The following STRBP variants were observed in gnomAD, a reference collection of about 807,000 sequenced individuals.
The protein encoded by STRBP is spermatid perinuclear RNA-binding protein.
In STRBP, 13 loss-of-function variants were observed where a neutral mutation model predicts 80.1. That is an observed-to-expected ratio of 0.16 (90% CI 0.11 to 0.26). STRBP has a LOEUF of 0.26. STRBP is among the 10% of genes least tolerant of loss of function. The pLI is 1.00. For synonymous variants in STRBP, 284 were observed against 291.2 expected, an observed-to-expected ratio of 0.98 and a Z score of 0.25; for missense variants, 485 against 815.2, an observed-to-expected ratio of 0.59 and a Z score of 4.93.
chr9:123,160,953 A>G lies in STRBP; in HGVS notation c.627+24T>C, dbSNP rs376304554. The stretch of plus-strand genomic sequence containing the variant: ...GAAACTTGGACAAACTTTAATAACA[A>G]TAAGATAGTAAGAAAAAGCCAACCT... On this transcript the variant is annotated intron_variant, in intron 7 of 18. Coordinates refer to ENST00000348403, the MANE Select transcript of STRBP (RefSeq NM_018387.5). The G allele has an allele frequency of 3.2e-6, 5 of 1,572,156 alleles. No homozygotes were observed. In the African/African-American group the frequency reaches 4.2e-5, roughly 13 times the overall value.
At chr9:123,154,413 G>A (rs549154700) in intron 11 of STRBP, among the ~76,000 whole-genome samples, 1 of 152,292 alleles carries the variant, frequency 6.6e-6, no homozygotes, top group Admixed American at 6.5e-5. Flanking sequence ...AAGTGGGAAA[G>A]TGGGAAAGAA....
intron 2 of STRBP, among the ~76,000 whole-genome samples, chr9:123,185,464 T>G (rs1410110188): frequency 6.6e-6 from 1 of 152,182 alleles, no homozygotes; most frequent in Non-Finnish European, 1.5e-5. Flanking sequence ...TTATTATTAC[T>G]CATATCGCAT....
At chr9:123,118,381 T>C (rs1239241238), downstream of STRBP, among the ~76,000 whole-genome samples, 5 of 152,242 alleles carry the variant, frequency 3.3e-5, no homozygotes, top group African/African-American at 9.6e-5. Context: ...AGACACCTTT[T>C]GTCCAGTGCT....
At chr9:123,169,765 TTAAA>T (rs1451153206) in intron 6 of STRBP, 133 bp downstream of exon 6, 9 of 465,822 alleles carry the variant, frequency 1.9e-5, no homozygotes, top group African/African-American at 1.2e-4. Context: ...TAAAATACTA[TTAAA>T]TAGAGTGGCA....
At chr9:123,151,120 C>T (rs756327886) in intron 11 of STRBP, among the ~76,000 whole-genome samples, 3 of 152,086 alleles carry the variant, frequency 2.0e-5, no homozygotes, top group African/African-American at 7.2e-5. Flanking sequence ...TAGAAAAAGA[C>T]CCAAAATGGA....
chr9:123,183,031 A>AC (rs1272621230), intron 3 of STRBP, among the ~76,000 whole-genome samples: 1 of 132,902 alleles, frequency 7.5e-6, no homozygotes, highest in African/African-American at 3.7e-5. Flanking sequence ...AAAAAAAAAA[A>AC]AAAAAAACAA....
chr9:123,183,710 C>T (rs1389910910), intron 3 of STRBP, among the ~76,000 whole-genome samples: 1 of 152,114 alleles, frequency 6.6e-6, no homozygotes, highest in African/African-American at 2.4e-5. Context: ...AAAGAGGTGG[C>T]TTTTTCAGTT....
intron 7 of STRBP, 41 bp downstream of exon 7, chr9:123,160,936 G>A (rs1450191416): frequency 1.3e-6 from 2 of 1,527,184 alleles, no homozygotes; most frequent in Non-Finnish European, 1.8e-6. Context: ...ATGAAACTTG[G>A]ACAAACTTTA....
intron 12 of STRBP, 121 bp from the exon 13 acceptor site, chr9:123,147,175 AAC>A (rs2036846470): frequency 6.1e-6 from 4 of 654,212 alleles, no homozygotes; most frequent in Admixed American, 2.8e-5. Context: ...AGGATTTCAA[AAC>A]ACACAGATTA....
intron 3 of STRBP, chr9:123,111,547 G>C (rs181306653): frequency 2.2e-6 from 1 of 456,760 alleles, no homozygotes; most frequent in South Asian, 1.6e-5. Context: ...TGTAGGCAGG[G>C]GCAGGGCTGG....
At chr9:123,171,936 T>C (rs147031880) in intron 5 of STRBP, among the ~76,000 whole-genome samples, 395 of 152,254 alleles carry the variant, frequency 2.6e-3, no homozygotes, top group African/African-American at 8.4e-3. Context: ...AGAACCTTTT[T>C]AAACTGCGAT....
At chr9:123,166,420 C>T (rs546524967) in intron 6 of STRBP, among the ~76,000 whole-genome samples, 13 of 152,222 alleles carry the variant, frequency 8.5e-5, no homozygotes, top group Non-Finnish European at 1.2e-4. Context: ...CAATTTAAAA[C>T]GAGGAAACCT....
chr9:123,125,304 T>G lies in STRBP; in HGVS notation c.*293A>C. 2 of 1,082,084 alleles carry G rather than the reference T, an allele frequency of 1.8e-6. No homozygotes were observed. Among genetic ancestry groups the G allele is most frequent in the Non-Finnish European group, 2.2e-6 (2 of 892,604 alleles). 67.0% of individuals were successfully genotyped at this position (1,082,084 alleles called of 1,614,324 possible). On this transcript the variant is annotated 3_prime_UTR_variant, in exon 19 of 19. Coordinates refer to ENST00000348403, the MANE Select transcript of STRBP (RefSeq NM_018387.5). The stretch of plus-strand genomic sequence containing the variant: ...TTAATTTTACATAATCTGATACGTC[T>G]CTTAAAACTTAAACTTTGAACTGCT...
rs533917904 is a variant in STRBP, at chr9:123,157,940, A to G, written c.1045+72T>C. ...CAATTATTAAGTTCCCTAAGTTGTA[A>G]TGAGAGATGAATCCCATGATTATCT... On this transcript the variant is annotated intron_variant, in intron 11 of 18. Coordinates refer to ENST00000348403, the MANE Select transcript of STRBP (RefSeq NM_018387.5). 55 of 1,086,226 alleles carry G rather than the reference A, an allele frequency of 5.1e-5. 1 individual carries two copies. In the Admixed American group the frequency reaches 8.3e-4, roughly 16 times the overall value. 67.3% of individuals were successfully genotyped at this position (1,086,226 alleles called of 1,614,324 possible).
intron 1 of STRBP, among the ~76,000 whole-genome samples, chr9:123,259,469 G>A (rs2041113350): frequency 5.9e-5 from 9 of 152,224 alleles, no homozygotes. Flanking sequence ...CACTTTGGGA[G>A]GCCGAGGCGG....
chr9:123,224,753 T>C lies in STRBP; in HGVS notation c.-165+12077A>G, dbSNP rs181609673. Among the ~76,000 whole-genome samples, 17 of 152,324 alleles carry C rather than the reference T, an allele frequency of 1.1e-4. 1 individual carries two copies. Among genetic ancestry groups the C allele is most frequent in the Admixed American group, 9.8e-4 (15 of 15,304 alleles). ...AAGAAGTGACCAATTGGAACTTACA[T>C]GTACTGCTGGTAGTAGTGGAAAGTG... On this transcript the variant is annotated intron_variant, in intron 2 of 18. Transcript: ENST00000348403.
intron 2 of STRBP, among the ~76,000 whole-genome samples, chr9:123,197,825 C>T (rs938975767): frequency 9.2e-5 from 14 of 151,766 alleles, no homozygotes; most frequent in Non-Finnish European, 1.0e-4. Context: ...CAGGTACCAG[C>T]CACCATGTCC....
chr9:123,239,238 G>A (rs755877884), intron 1 of STRBP, among the ~76,000 whole-genome samples: 1 of 152,118 alleles, frequency 6.6e-6, no homozygotes, highest in Non-Finnish European at 1.5e-5. Flanking sequence ...AGCCAGGCAT[G>A]GTGGCGGGCG....
At chr9:123,205,335 A>G (rs2039476448) in intron 2 of STRBP, among the ~76,000 whole-genome samples, 1 of 152,224 alleles carries the variant, frequency 6.6e-6, no homozygotes, top group Non-Finnish European at 1.5e-5. Flanking sequence ...ACTGAAGGGT[A>G]AACCAATACC....
Sources: gnomAD v4.1 joint callset for allele counts (sites outside exome capture counted in the v4.1 genomes callset) on GRCh38, gnomAD v4.1.1 for gene constraint, MANE v1.5 for transcripts, NCBI Gene and HGNC (gene_info 2026-07-23, HGNC 2026-07-21) for gene names.